Variants in ACLY observed in about 807,000 individuals in gnomAD.
ACLY encodes ATP citrate lyase, also known as ATP-citrate synthase.
ACLY carries 41 observed loss-of-function variants against 133.0 expected under a neutral mutation model. That is an observed-to-expected ratio of 0.31 (90% CI 0.24 to 0.40). The LOEUF is 0.40. Ranked by LOEUF, ACLY falls within the 10% of genes least tolerant of loss-of-function variation. The probability of loss-of-function intolerance (pLI) is 1.00; values close to 1 mark genes in which losing one functional copy is unlikely to be tolerated. For missense variants in ACLY, 1,046 were observed against 1,453.8 expected (o/e 0.72, Z 4.56); for synonymous variants, 495 against 549.3 (o/e 0.90, Z 1.38).
chr17:41,906,571 T>G lies in ACLY; in HGVS notation c.823A>C (p.Ile275Leu). 3 of 1,614,144 alleles carry G rather than the reference T, an allele frequency of 1.9e-6. No homozygotes were observed. Among genetic ancestry groups the G allele is most frequent in the Non-Finnish European group, 2.5e-6 (3 of 1,180,022 alleles). Residue 275 changes from isoleucine (I) to leucine (L), a missense_variant, in exon 8 of 29, where the codon ATC becomes CTC. Physicochemically the swap from Ile to Leu is conservative, Grantham distance 5 (BLOSUM62 2). This residue lies in a region of ACLY where 575 missense variants were observed against 804.2 expected (regional missense o/e 0.71). Coordinates refer to ENST00000352035, the MANE Select transcript of ACLY (RefSeq NM_001096.3). ...CCACCCCCGGCCACCATGGTCCAGATCCTCCCTTTGGGGTTCAGCAAGGTC... is the reference window on the plus strand; with the variant it reads ...CCACCCCCGGCCACCATGGTCCAGAGCCTCCCTTTGGGGTTCAGCAAGGTC... ...KLTLLNPKGR[I>L]WTMVAGGGAS...
rs371350230 is a variant in ACLY, at chr17:41,926,203, T to C, written c.-28+4155A>G. 1.4e-4 allele frequency among the ~76,000 whole-genome samples: 21 copies of C among 152,258 alleles called. No individual in the cohort carries two copies. The South Asian group carries it at 4.4e-3, about 32-fold the overall frequency. ...CACAATAAAAGAAGAAATAAAGCAA[T>C]AACATGAGGAACATAGCTATAAATG... is the stretch of plus-strand genomic sequence containing the variant. On this transcript the variant is annotated intron_variant, in intron 1 of 3. Coordinates refer to the ACLY transcript ENST00000592970.
intron 10 of ACLY, chr17:41,904,432 A>G (rs1488575125): frequency 5.7e-5 from 21 of 370,472 alleles, no homozygotes; most frequent in Non-Finnish European, 8.9e-5. Flanking sequence ...CGATTGAGCC[A>G]GTGCTCCAAA....
Position 41,890,601 on chromosome 17 carries a change from T to C in ACLY, c.1770+1678A>G, listed in dbSNP as rs2049179730. Among the ~76,000 whole-genome samples the C allele has an allele frequency of 2.0e-5, 3 of 151,518 alleles. No individual in the cohort carries two copies. The South Asian group carries it at 6.2e-4, about 31-fold the overall frequency. On this transcript the variant is annotated intron_variant, in intron 16 of 28. Coordinates refer to ENST00000352035, the MANE Select transcript of ACLY (RefSeq NM_001096.3). ...TACTTGGGAGGCTGAGGCAGAAGAA[T>C]CACTTGAACCCGGGAGGCGGAGGTT... is the stretch of plus-strand genomic sequence containing the variant.
Position 41,898,793 on chromosome 17 carries a change from G to A in ACLY, c.1184-8C>T, listed in dbSNP as rs1555630954. Reference sequence around the variant, plus strand: ...GGATCCCAGTGGTCTTCCCTGCAAGGGAAGGAAAAAAAAATCCATAATTCA... The same window carrying A: ...GGATCCCAGTGGTCTTCCCTGCAAGAGAAGGAAAAAAAAATCCATAATTCA... On this transcript the variant is annotated splice_polypyrimidine_tract_variant and splice_region_variant and intron_variant, in intron 11 of 28. Coordinates refer to ENST00000352035, the MANE Select transcript of ACLY (RefSeq NM_001096.3). The A allele has an allele frequency of 2.5e-6, 4 of 1,607,996 alleles. No homozygotes were observed. The highest frequency in any genetic ancestry group is 3.4e-5 in the Admixed American group (2 of 58,142).
Position 41,898,675 on chromosome 17 carries a change from C to T in ACLY, c.1294G>A (p.Ala432Thr). 6.2e-7 allele frequency: 1 copy of T among 1,613,820 alleles called. No individual in the cohort carries two copies. Among genetic ancestry groups the T allele is most frequent in the Non-Finnish European group, 8.5e-7 (1 of 1,179,884 alleles). Reference sequence around the variant, plus strand: ...TTGAGGAGGAAGTTTGCAGTGTGGGCCGCTGTGGGTGGCTGGTTGGGGATG... The same window carrying T: ...TTGAGGAGGAAGTTTGCAGTGTGGGTCGCTGTGGGTGGCTGGTTGGGGATG... ...RPIPNQPPTA[A>T]HTANFLLNAS... The change falls in exon 12 of 29, where the codon GCC becomes ACC. Residue 432 changes from alanine (A) to threonine (T), a missense_variant. Physicochemically the swap from Ala to Thr is moderately conservative, Grantham distance 58. Around this residue, in one of 4 missense-constraint regions of ACLY, gnomAD observed 575 missense variants for 804.2 expected, o/e 0.71. Transcript: ENST00000352035.
chr17:41,900,597 C>T (rs1324803368), intron 11 of ACLY, among the ~76,000 whole-genome samples: 1 of 151,560 alleles, frequency 6.6e-6, no homozygotes, highest in Non-Finnish European at 1.5e-5. Flanking sequence ...TGGTGGTGCA[C>T]ACCCGTGGTC....
upstream of ACLY, chr17:41,918,972 C>T (rs1263625634): frequency 3.1e-6 from 4 of 1,288,736 alleles, no homozygotes; most frequent in Non-Finnish European, 4.0e-6. Context: ...TTCCCGGGAT[C>T]CGGCTTTTGT....
chr17:41,901,672 G>A (rs2049545466), intron 11 of ACLY, 24 bp downstream of exon 11: 1 of 1,591,564 alleles, frequency 6.3e-7, no homozygotes. Flanking sequence ...AGGGTGAGGG[G>A]GAGAGAAAAG....
chr17:41,930,431 G>T, exon 1 of ACLY: 1 of 333,222 alleles, frequency 3.0e-6, no homozygotes. Context: ...TTACAAGGGA[G>T]CCTTTTCAGG....
At chr17:41,929,710 T>C (rs1454087675) in intron 1 of ACLY, among the ~76,000 whole-genome samples, 1 of 152,218 alleles carries the variant, frequency 6.6e-6, no homozygotes, top group African/African-American at 2.4e-5. Flanking sequence ...ATGCAGTTCA[T>C]AAGAAATAAA....
At chr17:41,876,721 G>A (rs536257135) in intron 22 of ACLY, among the ~76,000 whole-genome samples, 7 of 152,094 alleles carry the variant, frequency 4.6e-5, no homozygotes, top group African/African-American at 1.4e-4. Flanking sequence ...GCAGCATGCT[G>A]GTTAAGAGTC....
chr17:41,877,980 A>C, intron 22 of ACLY, 123 bp downstream of exon 22: 1 of 485,002 alleles, frequency 2.1e-6, no homozygotes, highest in Non-Finnish European at 3.5e-6. Flanking sequence ...TCCCTCTAAG[A>C]GATCCCCGAC....
intron 20 of ACLY, among the ~76,000 whole-genome samples, chr17:41,880,550 G>C (rs1215384157): frequency 6.6e-6 from 1 of 152,142 alleles, no homozygotes; most frequent in East Asian, 1.9e-4. Context: ...ATTTCTAAAA[G>C]GGAGATGAAT....
At chr17:41,894,911 G>C (rs1412293766) in intron 14 of ACLY, among the ~76,000 whole-genome samples, 1 of 152,134 alleles carries the variant, frequency 6.6e-6, no homozygotes, top group Admixed American at 6.5e-5. Flanking sequence ...GGCTAACCAA[G>C]TTCATGGTCT....
chr17:41,899,083 T>G (rs2049452480), intron 11 of ACLY, among the ~76,000 whole-genome samples: 1 of 152,106 alleles, frequency 6.6e-6, no homozygotes, highest in African/African-American at 2.4e-5. Flanking sequence ...GAGACCAGCC[T>G]GGCCAACGTG....
At chr17:41,915,285 T>A (rs980151022) in intron 1 of ACLY, among the ~76,000 whole-genome samples, 12 of 152,006 alleles carry the variant, frequency 7.9e-5, no homozygotes, top group Admixed American at 2.6e-4. Context: ...CTTGGCCGGA[T>A]CAGGAAAAGT....
chr17:41,928,149 A>G (rs2050264915), intron 1 of ACLY, among the ~76,000 whole-genome samples: 1 of 152,214 alleles, frequency 6.6e-6, no homozygotes, highest in African/African-American at 2.4e-5. Context: ...AAAAATAAAA[A>G]TAAAAATTAA....
intron 22 of ACLY, among the ~76,000 whole-genome samples, chr17:41,874,185 C>T (rs1191075220): frequency 6.6e-6 from 1 of 152,226 alleles, no homozygotes; most frequent in Non-Finnish European, 1.5e-5. Flanking sequence ...CATGACACCA[C>T]TTGGCATCAG....
chr17:41,912,615 G>A (rs1555633867), intron 2 of ACLY, 73 bp from the exon 3 acceptor site: 4 of 1,570,668 alleles, frequency 2.5e-6, no homozygotes, highest in Admixed American at 1.7e-5. Flanking sequence ...GATCCAAATA[G>A]AGGACAGCAG....
Sources: gnomAD v4.1 joint callset for allele counts (sites outside exome capture counted in the v4.1 genomes callset) on GRCh38, gnomAD v4.1.1 for gene constraint, gnomAD v4.1.1 regional missense constraint, MANE v1.5 for transcripts, NCBI Gene and HGNC (gene_info 2026-07-23, HGNC 2026-07-21) for gene names.